Variants in BAZ2B observed in about 807,000 individuals in gnomAD.
BAZ2B encodes the protein bromodomain adjacent to zinc finger domain 2B.
Under a neutral mutation model 246.0 loss-of-function variants are expected in BAZ2B, and 91 were observed. The ratio of observed to expected loss-of-function variants is 0.37; its 90% CI spans 0.31 to 0.44. The LOEUF is 0.44. BAZ2B is among the 20% of genes least tolerant of loss of function. The probability of loss-of-function intolerance (pLI) is 1.00; values close to 1 mark genes in which losing one functional copy is unlikely to be tolerated. For synonymous variants in BAZ2B, 855 were observed against 860.0 expected, an observed-to-expected ratio of 0.99 and a Z score of 0.10; for missense variants, 2,332 against 2,533.7, an observed-to-expected ratio of 0.92 and a Z score of 1.71.
chr2:159,630,355 A>C, the BAZ2B span, among the ~76,000 whole-genome samples: 1 of 152,196 alleles, frequency 6.6e-6, no homozygotes, highest in Non-Finnish European at 1.5e-5. Flanking sequence ...ACAATCCCAT[A>C]AAAGTGAAAC....
At chr2:159,667,218 AATTTT>A in the BAZ2B span, among the ~76,000 whole-genome samples, 1 of 150,706 alleles carries the variant, frequency 6.6e-6, no homozygotes. Context: ...GTTTATAGTT[AATTTT>A]GAGTTTTTTT....
chr2:159,391,711 C>G (rs774646917), intron 20 of BAZ2B, among the ~76,000 whole-genome samples: 1 of 151,998 alleles, frequency 6.6e-6, no homozygotes, highest in Non-Finnish European at 1.5e-5. Context: ...TCAATTTTAG[C>G]TGGTGACATG....
intron 3 of BAZ2B, among the ~76,000 whole-genome samples, chr2:159,474,091 G>C (rs902277780): frequency 1.3e-5 from 2 of 152,156 alleles, no homozygotes; most frequent in African/African-American, 2.4e-5. Flanking sequence ...TTGGTCCACA[G>C]CTGAGTTCAA....
At chr2:159,479,988 C>A (rs1350998642) in intron 2 of BAZ2B, among the ~76,000 whole-genome samples, 1 of 152,090 alleles carries the variant, frequency 6.6e-6, no homozygotes, top group Non-Finnish European at 1.5e-5. Flanking sequence ...ATGGGAAAGG[C>A]ATAGTTGCTA....
intron 25 of BAZ2B, among the ~76,000 whole-genome samples, chr2:159,380,838 G>A (rs1220844706): frequency 6.6e-6 from 1 of 152,174 alleles, no homozygotes; most frequent in Non-Finnish European, 1.5e-5. Flanking sequence ...GTGTGACTCT[G>A]CTGGGAGATG....
intron 1 of BAZ2B, among the ~76,000 whole-genome samples, chr2:159,585,019 T>C (rs1276505718): frequency 6.6e-6 from 1 of 152,184 alleles, no homozygotes; most frequent in Non-Finnish European, 1.5e-5. Flanking sequence ...CTGTACAGCC[T>C]GCAGAACCAT....
downstream of BAZ2B, among the ~76,000 whole-genome samples, chr2:159,318,427 A>G (rs1053122087): frequency 2.6e-5 from 4 of 152,204 alleles, no homozygotes; most frequent in Admixed American, 6.5e-5. Context: ...AGCTTTGTGA[A>G]GTTAAAAAAA....
At chr2:159,317,897 G>A (rs1277959827), downstream of BAZ2B, among the ~76,000 whole-genome samples, 1 of 152,092 alleles carries the variant, frequency 6.6e-6, no homozygotes, top group Non-Finnish European at 1.5e-5. Flanking sequence ...TGCTCCAACC[G>A]CAGCCCTTGT....
At chr2:159,501,226 T>TATA (rs1425481273) in intron 2 of BAZ2B, among the ~76,000 whole-genome samples, 14 of 112,446 alleles carry the variant, frequency 1.2e-4, no homozygotes, top group South Asian at 5.1e-4. Context: ...ATATATATAT[T>TATA]TATATATATA....
intron 36 of BAZ2B, among the ~76,000 whole-genome samples, chr2:159,321,065 C>T (rs566004084): frequency 1.0e-3 from 153 of 152,320 alleles, no homozygotes; most frequent in Admixed American, 6.0e-3. Context: ...AGCACTGTGG[C>T]TTCTGTGCTT....
chr2:159,692,901 T>C, the BAZ2B span, among the ~76,000 whole-genome samples: 1 of 152,254 alleles, frequency 6.6e-6, no homozygotes, highest in Admixed American at 6.5e-5. Context: ...CTTGAACCCC[T>C]TGGCTCAAGC....
chr2:159,392,512 G>A (rs1256550178), intron 20 of BAZ2B, among the ~76,000 whole-genome samples: 4 of 152,016 alleles, frequency 2.6e-5, no homozygotes, highest in Non-Finnish European at 5.9e-5. Context: ...GAGGGCAGAG[G>A]AACTAACTTA....
At chr2:159,462,454 G>C in intron 3 of BAZ2B, 1 of 1,208,798 alleles carries the variant, frequency 8.3e-7, no homozygotes, top group Non-Finnish European at 1.2e-6. Flanking sequence ...AGTCAATTTT[G>C]GTGCGGGTAA....
At chr2:159,425,960 T>C (rs1002178508) in intron 13 of BAZ2B, among the ~76,000 whole-genome samples, 1 of 152,178 alleles carries the variant, frequency 6.6e-6, no homozygotes, top group African/African-American at 2.4e-5. Context: ...CTAGAACACT[T>C]TTTTGGATGA....
chr2:159,355,272 G>T lies in BAZ2B; in HGVS notation c.4214-4915C>A, dbSNP rs138202788. ...GTATGGCTAAACCTTAGGAGTACTC[G>T]CAGAGCTTTCCCATCTTCAGTTGAC... On this transcript the variant is annotated intron_variant, in intron 27 of 36. Transcript: ENST00000392783. 6.5e-3 allele frequency among the ~76,000 whole-genome samples: 986 copies of T among 152,204 alleles called. 23 individuals carry two copies. Among genetic ancestry groups the T allele is most frequent in the South Asian group, 0.061 (293 of 4,818 alleles).
In BAZ2B at chr2:159,332,701, A is replaced by C; in HGVS notation, c.5797-15T>G. ...ATTTGGCAGTACTATAATACATGAAAAATCATTTAAAATTAACGCTCTGCC... is the reference window on the plus strand; with the variant it reads ...ATTTGGCAGTACTATAATACATGAACAATCATTTAAAATTAACGCTCTGCC... On this transcript the variant is annotated splice_polypyrimidine_tract_variant and intron_variant, in intron 33 of 36. Coordinates refer to ENST00000392783, the MANE Select transcript of BAZ2B (RefSeq NM_013450.4). 6.2e-7 allele frequency: 1 copy of C among 1,611,738 alleles called. No homozygotes were observed. The highest frequency in any genetic ancestry group is 8.5e-7 in the Non-Finnish European group (1 of 1,178,884).
intron 20 of BAZ2B, among the ~76,000 whole-genome samples, chr2:159,394,028 C>T (rs191255902): frequency 6.6e-6 from 1 of 152,224 alleles, no homozygotes; most frequent in Non-Finnish European, 1.5e-5. Flanking sequence ...TCTAATGAAG[C>T]CTAGTATGCC....
chr2:159,560,454 T>C (rs1444532142), intron 1 of BAZ2B, among the ~76,000 whole-genome samples: 1 of 152,214 alleles, frequency 6.6e-6, no homozygotes, highest in Non-Finnish European at 1.5e-5. Context: ...GTAGACTGTA[T>C]CAGTGTTGTT....
At chr2:159,665,642 T>A in the BAZ2B span, among the ~76,000 whole-genome samples, 1 of 137,650 alleles carries the variant, frequency 7.3e-6, no homozygotes, top group Non-Finnish European at 1.5e-5. Context: ...GAAAACTGGC[T>A]AGCCATATGT....
Sources: allele counts gnomAD v4.1 joint callset (sites outside exome capture counted in the v4.1 genomes callset), GRCh38; gene constraint gnomAD v4.1.1; transcripts MANE v1.5; gene names NCBI Gene and HGNC (gene_info 2026-07-23, HGNC 2026-07-21).